SLC12A6: variants seen among roughly 807,000 people sequenced by gnomAD.
The protein encoded by SLC12A6 is K-Cl cotransporter 3.
SLC12A6 carries 66 observed loss-of-function variants against 135.3 expected under a neutral mutation model. That is an observed-to-expected ratio of 0.49 (90% CI 0.40 to 0.60). The LOEUF is 0.60. Among genes scored for constraint, SLC12A6 ranks in the 20% least tolerant of loss-of-function variants. SLC12A6 has a pLI of 0.00. For synonymous variants in SLC12A6, 513 were observed against 508.8 expected (o/e 1.01, Z -0.11); for missense variants, 1,058 against 1,452.3 (o/e 0.73, Z 4.41).
intron 12 of SLC12A6, 115 bp from the exon 13 acceptor site, chr15:34,250,470 A>C (rs1892311184): frequency 1.2e-6 from 1 of 867,942 alleles, no homozygotes; most frequent in South Asian, 1.3e-5. Flanking sequence ...TACTCCTATA[A>C]ATTCTTTTTT....
Position 34,245,696 on chromosome 15 carries a change from CA to C in SLC12A6, c.1820del (p.Leu607ArgfsTer19). The C allele has an allele frequency of 1.2e-6, 2 of 1,613,070 alleles. No homozygotes were observed. Among genetic ancestry groups the C allele is most frequent in the Admixed American group, 3.3e-5 (2 of 60,006 alleles). ...AIAKDNIIPFLRVFGHSKANG... is the reference protein window; with the variant it reads ...AIAKDNIIPFXRVFGHSKANG... Reference sequence around the variant, plus strand: ...GGCATAATAAAAGGTCACTCACCCTCAGAAACGGTATGATGTTATCCTTGGC... The same window carrying C: ...GGCATAATAAAAGGTCACTCACCCTCGAAACGGTATGATGTTATCCTTGGC... On this transcript the variant is annotated frameshift_variant, in exon 14 of 26. Coordinates refer to ENST00000354181, the MANE Select transcript of SLC12A6 (RefSeq NM_001365088.1). LOFTEE classifies it high-confidence loss of function.
At chr15:34,244,779 G>A (rs766514363) in intron 15 of SLC12A6, among the ~76,000 whole-genome samples, 5 of 152,102 alleles carry the variant, frequency 3.3e-5, no homozygotes, top group Non-Finnish European at 2.9e-5. Flanking sequence ...CACTTCCTCC[G>A]GAAAATCTTT....
chr15:34,305,189 A>G (rs10467958), intron 2 of SLC12A6, among the ~76,000 whole-genome samples: 4,151 of 152,208 alleles, frequency 0.027, 191 homozygotes, highest in African/African-American at 0.095. Context: ...AAAATTTTAC[A>G]AGGATATCCC....
intron 21 of SLC12A6, among the ~76,000 whole-genome samples, chr15:34,237,803 C>T (rs991302010): frequency 4.6e-5 from 7 of 152,106 alleles, no homozygotes; most frequent in South Asian, 2.1e-4. Flanking sequence ...GTTCACGATA[C>T]GTTAAGAGGG....
At chr15:34,261,357 C>G (rs8023314) in intron 3 of SLC12A6, among the ~76,000 whole-genome samples, 2,627 of 152,118 alleles carry the variant, frequency 0.017, 83 homozygotes, top group African/African-American at 0.059. Flanking sequence ...AGTGCAGTGG[C>G]GCAATCTCAG....
chr15:34,238,436 T>G (rs370996012), intron 20 of SLC12A6, 35 bp from the exon 21 acceptor site: 4 of 1,558,746 alleles, frequency 2.6e-6, no homozygotes, highest in Non-Finnish European at 3.5e-6. Flanking sequence ...AGAAGAATCC[T>G]TAGGCTTGCC....
chr15:34,328,127 G>T (rs1316681076), intron 2 of SLC12A6, among the ~76,000 whole-genome samples: 2 of 120,308 alleles, frequency 1.7e-5, no homozygotes, highest in African/African-American at 9.3e-5. Flanking sequence ...AAAAAAAAAA[G>T]ACTAAAATTA....
rs1247988955 is a variant in SLC12A6 at position 34,237,451 on chromosome 15, G to A, written c.2902C>T (p.Arg968Cys). The A allele has an allele frequency of 3.7e-6, 6 of 1,612,940 alleles. No homozygotes were observed. Among genetic ancestry groups the A allele is most frequent in the East Asian group, 2.2e-5 (1 of 44,828 alleles). ...KDLATFLYHL[R>C]IEAEVEVVEM... The stretch of plus-strand genomic sequence containing the variant: ...ACCACTTCTACCTCCGCCTCAATGC[G>A]TAAGTGATATAGGAAGGTGGCTAGG... Residue 968 changes from arginine to cysteine, a missense_variant, in exon 22 of 26, where the codon CGC becomes TGC. Coordinates refer to ENST00000354181, the MANE Select transcript of SLC12A6 (RefSeq NM_001365088.1).
Position 34,238,276 on chromosome 15 carries a change from C to G in SLC12A6, c.2758G>C (p.Gly920Arg). ...NIDVWWIVHD[G>R]GMLMLLPFLL... ...AATGGTAGTAGCATAAGCATCCCCC[C>G]ATCATGCACAATCCACCACACATCA... is the stretch of plus-strand genomic sequence containing the variant. Residue 920 changes from glycine to arginine, a missense_variant, in exon 21 of 26, where the codon GGG becomes CGG. This residue lies in a region of SLC12A6 where 245 missense variants were observed against 440.8 expected (regional missense o/e 0.56). Transcript: ENST00000354181. The G allele has an allele frequency of 6.2e-7, 1 of 1,613,632 alleles. No individual in the cohort carries two copies. Among genetic ancestry groups the G allele is most frequent in the Admixed American group, 1.7e-5 (1 of 60,026 alleles).
intron 2 of SLC12A6, among the ~76,000 whole-genome samples, chr15:34,308,656 ACC>A (rs1555388906): frequency 3.0e-4 from 45 of 148,142 alleles, no homozygotes; most frequent in African/African-American, 6.5e-4. Flanking sequence ...AAAAAAACAA[ACC>A]AGATTGTTGG....
intron 3 of SLC12A6, among the ~76,000 whole-genome samples, chr15:34,270,819 CAAAACAAAAAACAA>C (rs529961153): frequency 1.5e-5 from 2 of 130,460 alleles, no homozygotes; most frequent in African/African-American, 6.1e-5. Flanking sequence ...CAAAACAAAA[CAAAACAAAAAACAA>C]AAAAAAAAAA....
chr15:34,320,258 C>A (rs1180255062), intron 2 of SLC12A6, among the ~76,000 whole-genome samples: 3 of 152,168 alleles, frequency 2.0e-5, no homozygotes, highest in Admixed American at 6.5e-5. Flanking sequence ...TGCCCATTAA[C>A]ACATGAGTAT....
intron 2 of SLC12A6, among the ~76,000 whole-genome samples, chr15:34,286,851 T>C (rs1895116748): frequency 6.6e-6 from 1 of 152,170 alleles, no homozygotes. Flanking sequence ...ATTCACAAGA[T>C]ATGTACTCAT....
intron 23 of SLC12A6, 26 bp from the exon 24 acceptor site, chr15:34,236,225 T>C: frequency 6.3e-7 from 1 of 1,587,026 alleles, no homozygotes. Flanking sequence ...CAACACAAGT[T>C]ATTCTACCAA....
rs559668508 is a variant in SLC12A6, at chr15:34,265,114, A to G, written c.317-4094T>C. Among the ~76,000 whole-genome samples, 11 of 152,156 alleles carry G rather than the reference A, an allele frequency of 7.2e-5. No homozygotes were observed. The South Asian group carries it at 1.0e-3, about 14-fold the overall frequency. ...TGGGAGGCTGAGGCAGGAGAATGGC[A>G]TAAACCCAGGAGGCGGAGCTTGCAG... On this transcript the variant is annotated intron_variant, in intron 3 of 25. Coordinates refer to ENST00000354181, the MANE Select transcript of SLC12A6 (RefSeq NM_001365088.1).
intron 2 of SLC12A6, among the ~76,000 whole-genome samples, chr15:34,332,012 C>T (rs1379810990): frequency 6.6e-6 from 1 of 152,108 alleles, no homozygotes; most frequent in East Asian, 1.9e-4. Context: ...CAACAACATT[C>T]AACCGTCTGA....
At chr15:34,241,169 C>A (rs189821929) in intron 18 of SLC12A6, 64 bp downstream of exon 18, 1 of 888,408 alleles carries the variant, frequency 1.1e-6, no homozygotes, top group Admixed American at 1.8e-5. Context: ...ATCCTAAAAT[C>A]AACAAAACAC....
rs1892350133 is a variant in SLC12A6, at chr15:34,250,999, T to C, written c.1392A>G (p.Lys464=). 1 of 1,611,582 alleles carries C rather than the reference T, an allele frequency of 6.2e-7. No individual in the cohort carries two copies. The highest frequency in any genetic ancestry group is 1.3e-5 in the African/African-American group (1 of 74,950). Reference sequence around the variant, plus strand: ...TTAAGCTGCCTAAGACATCAGAAGATTTGGCTGAAGGCTTTTCGATGATCT... The same window carrying C: ...TTAAGCTGCCTAAGACATCAGAAGACTTGGCTGAAGGCTTTTCGATGATCT... The part of the protein sequence containing the change: ...KGEIIEKPSA[K]SSDVLGSLNH... Residue 464 remains lysine, a synonymous_variant, in exon 11 of 26, where the codon AAA becomes AAG. Transcript: ENST00000354181.
chr15:34,319,508 G>T (rs1386614421), intron 2 of SLC12A6, among the ~76,000 whole-genome samples: 2 of 152,046 alleles, frequency 1.3e-5, no homozygotes, highest in Non-Finnish European at 2.9e-5. Flanking sequence ...CTTAAAATAT[G>T]AAAGATACGG....
Sources: allele counts gnomAD v4.1 joint callset (sites outside exome capture counted in the v4.1 genomes callset), GRCh38; gene constraint gnomAD v4.1.1; regional missense constraint gnomAD v4.1.1; transcripts MANE v1.5; gene names NCBI Gene and HGNC (gene_info 2026-07-23, HGNC 2026-07-21).